The following KCNAB1 variants were observed in gnomAD, a reference collection of about 807,000 sequenced individuals.
KCNAB1 encodes potassium voltage-gated channel subfamily A regulatory beta subunit 1.
Under a neutral mutation model 64.6 loss-of-function variants are expected in KCNAB1, and 35 were observed. The ratio of observed to expected loss-of-function variants is 0.54; its 90% CI spans 0.41 to 0.72. KCNAB1 has a LOEUF of 0.72. Among genes scored for constraint, KCNAB1 ranks in the 30% least tolerant of loss-of-function variants. The pLI, the probability that KCNAB1 is intolerant of heterozygous loss-of-function variation, is 0.00. For synonymous variants in KCNAB1, 177 were observed against 183.8 expected, an observed-to-expected ratio of 0.96 and a Z score of 0.30; for missense variants, 401 against 512.9, an observed-to-expected ratio of 0.78 and a Z score of 2.11.
chr3:156,176,537 A>G, intron 1 of KCNAB1: 2 of 806,302 alleles, frequency 2.5e-6, no homozygotes, highest in Non-Finnish European at 4.5e-6. Flanking sequence ...TGCTGGGAAG[A>G]GCATACTGCC....
intron 1 of KCNAB1, among the ~76,000 whole-genome samples, chr3:156,336,180 C>T (rs139297692): frequency 0.015 from 2,256 of 152,096 alleles, 27 homozygotes; most frequent in Middle Eastern, 0.044. Flanking sequence ...GCCAACATGG[C>T]GAAACCCCGA....
intron 1 of KCNAB1, among the ~76,000 whole-genome samples, chr3:156,333,366 A>G (rs964451816): frequency 1.3e-5 from 2 of 150,668 alleles, no homozygotes; most frequent in Non-Finnish European, 2.9e-5. Flanking sequence ...ACACACGTGT[A>G]TAGCTTTTTC....
chr3:156,176,866 G>C, intron 1 of KCNAB1: 2 of 1,132,266 alleles, frequency 1.8e-6, no homozygotes, highest in Non-Finnish European at 2.7e-6. Context: ...CGCTTGACTG[G>C]GACCAGCGGT....
At chr3:156,498,729 T>A (rs2108362946) in intron 8 of KCNAB1, among the ~76,000 whole-genome samples, 1 of 152,352 alleles carries the variant, frequency 6.6e-6, no homozygotes, top group South Asian at 2.1e-4. Flanking sequence ...TTTACACAAT[T>A]CTGACTGAAA....
chr3:156,176,211 T>C, intron 1 of KCNAB1: 1 of 779,928 alleles, frequency 1.3e-6, no homozygotes, highest in Non-Finnish European at 2.4e-6. Flanking sequence ...GGCCAGTCAC[T>C]GAATCTGCAT....
chr3:156,279,358 G>A (rs1453152397), intron 1 of KCNAB1, among the ~76,000 whole-genome samples: 5 of 151,994 alleles, frequency 3.3e-5, no homozygotes, highest in Admixed American at 1.3e-4. Context: ...TCTTAATCCC[G>A]TCTATCATTG....
chr3:156,279,937 A>G (rs1719593154), intron 1 of KCNAB1, among the ~76,000 whole-genome samples: 1 of 149,476 alleles, frequency 6.7e-6, no homozygotes, highest in Non-Finnish European at 1.5e-5. Flanking sequence ...CTCTGATGGT[A>G]GTTTCTTTTG....
At chr3:156,327,527 C>T (rs1329037272) in intron 1 of KCNAB1, among the ~76,000 whole-genome samples, 3 of 152,094 alleles carry the variant, frequency 2.0e-5, no homozygotes, top group South Asian at 2.1e-4. Context: ...CTGTGTGTCA[C>T]GTATTGTGTT....
intron 1 of KCNAB1, among the ~76,000 whole-genome samples, chr3:156,281,273 A>AT (rs199845762): frequency 0.019 from 2,938 of 151,942 alleles, 113 homozygotes; most frequent in South Asian, 0.16. Context: ...ACATTTATTG[A>AT]TTTGCGTACA....
intron 1 of KCNAB1, among the ~76,000 whole-genome samples, chr3:156,169,793 C>T (rs934829419): frequency 4.6e-5 from 7 of 152,352 alleles, no homozygotes; most frequent in African/African-American, 9.6e-5. Context: ...CCTTCGCCTT[C>T]GGCCATGATT....
At chr3:156,307,421 G>A (rs1342769662) in intron 1 of KCNAB1, among the ~76,000 whole-genome samples, 2 of 149,998 alleles carry the variant, frequency 1.3e-5, no homozygotes, top group East Asian at 3.9e-4. Context: ...TATTTATTAT[G>A]TTAAAAAGTT....
intron 1 of KCNAB1, among the ~76,000 whole-genome samples, chr3:156,171,876 C>A (rs1296643296): frequency 3.9e-5 from 6 of 152,180 alleles, no homozygotes. Flanking sequence ...TTACAAATCA[C>A]AGACTTCTCT....
intron 2 of KCNAB1, among the ~76,000 whole-genome samples, chr3:156,449,515 A>C (rs2108273636): frequency 6.6e-6 from 1 of 152,362 alleles, no homozygotes; most frequent in African/African-American, 2.4e-5. Flanking sequence ...TGCTCTACTT[A>C]GACTTCAAAT....
intron 1 of KCNAB1, among the ~76,000 whole-genome samples, chr3:156,296,471 C>T (rs199669896): frequency 7.7e-6 from 1 of 129,522 alleles, no homozygotes; most frequent in Admixed American, 7.5e-5. Flanking sequence ...TCCCCCCCCC[C>T]CCACCTTTTT....
At position 156,310,599 on chromosome 3, in the gene KCNAB1, C is replaced by G. The variant is rs538909714; in HGVS notation, c.276-111017C>G. Among the ~76,000 whole-genome samples, 151 of 152,160 alleles carry G rather than the reference C, an allele frequency of 9.9e-4. 3 individuals carry two copies. In the South Asian group the frequency reaches 0.028, roughly 28 times the overall value. The stretch of plus-strand genomic sequence containing the variant: ...GGGGCAGATCACGAGGTCAGGAGTT[C>G]GAGACCATCCTGGCTAACACAGTGA... On this transcript the variant is annotated intron_variant, in intron 1 of 13. Coordinates refer to ENST00000490337, the MANE Select transcript of KCNAB1 (RefSeq NM_172160.3).
chr3:156,291,037 A>C, intron 1 of KCNAB1: 1 of 985,726 alleles, frequency 1.0e-6, no homozygotes, highest in Non-Finnish European at 1.2e-6. Flanking sequence ...GCCTTCCCCC[A>C]GTTCCAACTG....
intron 1 of KCNAB1, among the ~76,000 whole-genome samples, chr3:156,268,447 A>G (rs1429995931): frequency 6.6e-6 from 1 of 152,142 alleles, no homozygotes; most frequent in African/African-American, 2.4e-5. Flanking sequence ...GAAACCTTCA[A>G]ATTATTCTCC....
At chr3:156,442,223 C>G (rs1349167681) in intron 2 of KCNAB1, among the ~76,000 whole-genome samples, 1 of 152,136 alleles carries the variant, frequency 6.6e-6, no homozygotes, top group Non-Finnish European at 1.5e-5. Flanking sequence ...GAGAGTAGGT[C>G]ATTGTTTCTA....
rs140046118 is a variant in KCNAB1, at chr3:156,511,164, C to T, written c.659-3200C>T. Among the ~76,000 whole-genome samples, 75 of 152,120 alleles carry T rather than the reference C, an allele frequency of 4.9e-4. 1 individual carries two copies. Among genetic ancestry groups the T allele is most frequent in the African/African-American group, 8.2e-4 (34 of 41,486 alleles). On this transcript the variant is annotated intron_variant, in intron 8 of 13. Coordinates refer to ENST00000490337, the MANE Select transcript of KCNAB1 (RefSeq NM_172160.3). ...TGTCCCCCATGCTGGAGTGCAGTGG[C>T]GTGATCTCGGCTTACTGCGAGCTCC...
Sources: gnomAD v4.1 joint callset for allele counts (sites outside exome capture counted in the v4.1 genomes callset) on GRCh38, gnomAD v4.1.1 for gene constraint, MANE v1.5 for transcripts, NCBI Gene and HGNC (gene_info 2026-07-23, HGNC 2026-07-21) for gene names.